SGCD: variants seen among roughly 807,000 people sequenced by gnomAD.
SGCD encodes the protein delta-sarcoglycan.
In SGCD, 18 loss-of-function variants were observed where a neutral mutation model predicts 36.6. That is an observed-to-expected ratio of 0.49 (90% CI 0.34 to 0.73). The LOEUF is 0.73. SGCD is among the 30% of genes least tolerant of loss of function. The pLI, the probability that SGCD is intolerant of heterozygous loss-of-function variation, is 0.01. For missense variants in SGCD, 387 were observed against 346.7 expected, an observed-to-expected ratio of 1.12 and a Z score of -0.92; for synonymous variants, 133 against 130.6, an observed-to-expected ratio of 1.02 and a Z score of -0.12.
intron 1 of SGCD, among the ~76,000 whole-genome samples, chr5:155,978,632 A>C (rs1758169184): frequency 6.6e-6 from 1 of 152,256 alleles, no homozygotes; most frequent in Non-Finnish European, 1.5e-5. Context: ...GTCTAGACTT[A>C]GTCCTCGCCA....
At chr5:156,568,789 G>A (rs1759599500) in intron 4 of SGCD, among the ~76,000 whole-genome samples, 1 of 152,190 alleles carries the variant, frequency 6.6e-6, no homozygotes, top group South Asian at 2.1e-4. Context: ...AAGGATAAGG[G>A]AAATGCATTA....
intron 1 of SGCD, among the ~76,000 whole-genome samples, chr5:155,936,937 C>T (rs1757217834): frequency 6.6e-6 from 1 of 152,150 alleles, no homozygotes; most frequent in South Asian, 2.1e-4. Context: ...CGGGTGTGCG[C>T]ACACCTGGCC....
intron 3 of SGCD, among the ~76,000 whole-genome samples, chr5:156,315,637 G>A (rs1176749808): frequency 6.6e-6 from 1 of 151,838 alleles, no homozygotes; most frequent in Non-Finnish European, 1.5e-5. Context: ...TTCCCATGCT[G>A]TTTTTAATAA....
the SGCD span, among the ~76,000 whole-genome samples, chr5:155,821,427 C>T: frequency 6.6e-6 from 1 of 152,124 alleles, no homozygotes; most frequent in Non-Finnish European, 1.5e-5. Context: ...CATTCTCTTG[C>T]CTCAGCCTCT....
rs566362495 is a variant in SGCD at position 156,246,056 on chromosome 5, G to T, written c.-43-83478G>T. Reference sequence around the variant, plus strand: ...TTTACATATGATACATTTAAATGGTGGCTGCCTTTTCAACATGACAAATTT... The same window carrying T: ...TTTACATATGATACATTTAAATGGTTGCTGCCTTTTCAACATGACAAATTT... On this transcript the variant is annotated intron_variant, in intron 3 of 9. Coordinates refer to the SGCD transcript ENST00000517913. Among the ~76,000 whole-genome samples the T allele has an allele frequency of 2.0e-5, 3 of 152,170 alleles. No homozygotes were observed. The South Asian group carries it at 6.2e-4, about 32-fold the overall frequency.
At chr5:156,165,992 T>A (rs1190582024) in intron 3 of SGCD, among the ~76,000 whole-genome samples, 5 of 152,210 alleles carry the variant, frequency 3.3e-5, no homozygotes, top group Non-Finnish European at 7.3e-5. Flanking sequence ...TTGTTCTTCT[T>A]TGACTTAACT....
chr5:156,512,009 G>T (rs528784985), intron 4 of SGCD, among the ~76,000 whole-genome samples: 1 of 151,946 alleles, frequency 6.6e-6, no homozygotes, highest in Non-Finnish European at 1.5e-5. Context: ...GCCTGGCCAA[G>T]ATGGTGCAAC....
intron 7 of SGCD, among the ~76,000 whole-genome samples, chr5:156,732,845 T>G (rs1756149451): frequency 6.6e-6 from 1 of 151,236 alleles, no homozygotes; most frequent in Non-Finnish European, 1.5e-5. Flanking sequence ...TACAAATTTA[T>G]CTATTCTAGT....
At chr5:156,567,413 G>C (rs979138722) in intron 4 of SGCD, among the ~76,000 whole-genome samples, 2 of 149,284 alleles carry the variant, frequency 1.3e-5, no homozygotes, top group African/African-American at 4.9e-5. Flanking sequence ...TAGATAGATA[G>C]ATAGATAGAT....
At chr5:156,638,266 C>T (rs1762905897) in intron 6 of SGCD, among the ~76,000 whole-genome samples, 1 of 152,058 alleles carries the variant, frequency 6.6e-6, no homozygotes, top group South Asian at 2.1e-4. Context: ...ACCCTCACTC[C>T]CAGGTGGAAG....
intron 7 of SGCD, among the ~76,000 whole-genome samples, chr5:156,722,239 G>T (rs568847607): frequency 3.9e-5 from 6 of 152,022 alleles, no homozygotes; most frequent in Non-Finnish European, 7.4e-5. Context: ...CTCTCAAATT[G>T]CATCTCCCAA....
At chr5:156,358,874 A>G (rs1769627882) in intron 3 of SGCD, among the ~76,000 whole-genome samples, 1 of 151,930 alleles carries the variant, frequency 6.6e-6, no homozygotes. Flanking sequence ...CTGGGAGAGG[A>G]GTTGACTGGT....
the SGCD span, among the ~76,000 whole-genome samples, chr5:155,806,351 C>A: frequency 6.6e-6 from 1 of 152,258 alleles, no homozygotes; most frequent in South Asian, 2.1e-4. Context: ...GACAGGGTTT[C>A]ACCATTTTGG....
intron 3 of SGCD, among the ~76,000 whole-genome samples, chr5:156,413,582 T>A (rs1181967738): frequency 6.6e-6 from 1 of 152,178 alleles, no homozygotes; most frequent in Non-Finnish European, 1.5e-5. Flanking sequence ...GCACAAGCAG[T>A]TCTCCTGCCT....
At chr5:156,358,462 A>T (rs1205013008) in intron 3 of SGCD, among the ~76,000 whole-genome samples, 4 of 152,222 alleles carry the variant, frequency 2.6e-5, no homozygotes, top group Admixed American at 1.3e-4. Context: ...GTCAATTATT[A>T]CTATAATTAT....
At chr5:156,753,929 G>A (rs553361038) in intron 7 of SGCD, among the ~76,000 whole-genome samples, 3 of 152,342 alleles carry the variant, frequency 2.0e-5, no homozygotes, top group Admixed American at 2.0e-4. Context: ...ACTAGCGTGT[G>A]AACAACTTCT....
intron 1 of SGCD, among the ~76,000 whole-genome samples, chr5:156,076,940 A>T (rs1760802055): frequency 6.6e-6 from 1 of 152,196 alleles, no homozygotes. Context: ...CATGGCCTTA[A>T]GATTGGGCCA....
chr5:156,469,936 T>A (rs1754881849), intron 3 of SGCD, among the ~76,000 whole-genome samples: 1 of 152,214 alleles, frequency 6.6e-6, no homozygotes. Context: ...TGCTGCTAGT[T>A]CTCAAGTCTC....
In SGCD at chr5:156,483,413, G is replaced by A. The variant is rs113365048; in HGVS notation, c.193-25188G>A. ...GAGAAGGGAGTCACCCCAAGGTTGA[G>A]GGGAGAGAATTGATACAAATTGCAG... is the stretch of plus-strand genomic sequence containing the variant. On this transcript the variant is annotated intron_variant, in intron 3 of 8. Coordinates refer to ENST00000337851, the MANE Select transcript of SGCD (RefSeq NM_000337.6). 8.8e-3 allele frequency among the ~76,000 whole-genome samples: 1,347 copies of A among 152,342 alleles called. 11 individuals are homozygous for A. Among genetic ancestry groups the A allele is most frequent in the African/African-American group, 0.03 (1,258 of 41,586 alleles).
Sources: allele counts gnomAD v4.1 joint callset (sites outside exome capture counted in the v4.1 genomes callset), GRCh38; gene constraint gnomAD v4.1.1; transcripts MANE v1.5; gene names NCBI Gene and HGNC (gene_info 2026-07-23, HGNC 2026-07-21).